Variants in LAMA2 observed in about 807,000 individuals in gnomAD.
LAMA2 encodes the protein laminin subunit alpha-2.
Under a neutral mutation model 364.8 loss-of-function variants are expected in LAMA2, and 269 were observed. That is an observed-to-expected ratio of 0.74 (90% CI 0.67 to 0.82). The LOEUF is 0.82. Among genes scored for constraint, LAMA2 ranks in the 40% least tolerant of loss-of-function variants. The pLI, the probability that LAMA2 is intolerant of heterozygous loss-of-function variation, is 0.00. For synonymous variants in LAMA2, 1,379 were observed against 1,370.6 expected, an observed-to-expected ratio of 1.01 and a Z score of -0.14; for missense variants, 3,807 against 3,873.2, an observed-to-expected ratio of 0.98 and a Z score of 0.45.
rs55860505 is a variant in LAMA2 at position 129,320,132 on chromosome 6, C to CAAATAAATAAAT, written c.4059-390_4059-379dup. 8.8e-5 allele frequency among the ~76,000 whole-genome samples: 13 copies of CAAATAAATAAAT among 147,264 alleles called. 1 individual carries two copies. In the East Asian group the frequency reaches 1.6e-3, roughly 18 times the overall value. ...TGGGTGACAGAGTGAGACTCTGTCT[C>CAAATAAATAAAT]AAATAAATAAATAAATAAATAAATA... On this transcript the variant is annotated intron_variant, in intron 27 of 64. Coordinates refer to ENST00000421865, the MANE Select transcript of LAMA2 (RefSeq NM_000426.4).
intron 12 of LAMA2, among the ~76,000 whole-genome samples, chr6:129,225,240 C>T (rs1222908512): frequency 2.0e-5 from 3 of 151,980 alleles, no homozygotes. Flanking sequence ...CTTTATTAGT[C>T]TTGCTAGCAG....
At chr6:129,243,472 G>A (rs546035704) in intron 12 of LAMA2, among the ~76,000 whole-genome samples, 1 of 152,152 alleles carries the variant, frequency 6.6e-6, no homozygotes, top group African/African-American at 2.4e-5. Context: ...AGAATGTGGA[G>A]TTATATGAAA....
chr6:129,050,448 G>A (rs1184227257), intron 2 of LAMA2, among the ~76,000 whole-genome samples: 1 of 152,152 alleles, frequency 6.6e-6, no homozygotes, highest in Non-Finnish European at 1.5e-5. Flanking sequence ...GAGGAATAAG[G>A]TAGGATATCG....
chr6:129,039,214 G>A (rs906984817), intron 1 of LAMA2, among the ~76,000 whole-genome samples: 2 of 152,010 alleles, frequency 1.3e-5, no homozygotes, highest in African/African-American at 4.8e-5. Flanking sequence ...AATTCTGTGT[G>A]GCAAAGTCAG....
intron 20 of LAMA2, 96 bp from the exon 21 acceptor site, chr6:129,297,589 T>C: frequency 1.7e-6 from 2 of 1,147,448 alleles, no homozygotes; most frequent in Non-Finnish European, 2.6e-6. Context: ...AACTCCTAAG[T>C]TCCTCTGTTC....
intron 61 of LAMA2, 33 bp from the exon 62 acceptor site, chr6:129,507,456 C>T: frequency 6.2e-7 from 1 of 1,612,854 alleles, no homozygotes; most frequent in South Asian, 1.1e-5. Flanking sequence ...CTGCTAAAAC[C>T]TGACATTTGT....
intron 58 of LAMA2, among the ~76,000 whole-genome samples, chr6:129,493,621 AC>A (rs1785000220): frequency 6.6e-6 from 1 of 152,250 alleles, no homozygotes; most frequent in Non-Finnish European, 1.5e-5. Context: ...TGGCATAAGT[AC>A]TATGTAGTAA....
intron 1 of LAMA2, among the ~76,000 whole-genome samples, chr6:128,995,859 A>G (rs190174578): frequency 6.9e-4 from 105 of 152,366 alleles, no homozygotes; most frequent in Admixed American, 3.0e-3. Context: ...TTTTTGGTAT[A>G]GATCACTAAA....
intron 12 of LAMA2, among the ~76,000 whole-genome samples, chr6:129,230,355 T>C (rs898670336): frequency 6.6e-6 from 1 of 152,032 alleles, no homozygotes; most frequent in Non-Finnish European, 1.5e-5. Context: ...TTCAGTGGAA[T>C]GAAGGGCAAC....
At chr6:129,081,395 T>TA (rs1275791691) in intron 3 of LAMA2, among the ~76,000 whole-genome samples, 1 of 152,020 alleles carries the variant, frequency 6.6e-6, no homozygotes, top group African/African-American at 2.4e-5. Flanking sequence ...AGCATAATAA[T>TA]AAAAAAAGAA....
chr6:128,960,453 C>G (rs1226630167), intron 1 of LAMA2, among the ~76,000 whole-genome samples: 2 of 150,300 alleles, frequency 1.3e-5, no homozygotes, highest in African/African-American at 5.0e-5. Flanking sequence ...ATTCTCCGGC[C>G]TTGGCCCCAC....
At chr6:129,349,207 A>G (rs1330340381) in intron 30 of LAMA2, 91 bp from the exon 31 acceptor site, 4 of 948,760 alleles carry the variant, frequency 4.2e-6, no homozygotes, top group South Asian at 1.3e-5. Flanking sequence ...ACCTAAAAGT[A>G]TGTCCCAATA....
At chr6:129,359,899 T>C (rs1777367299) in intron 32 of LAMA2, among the ~76,000 whole-genome samples, 1 of 152,142 alleles carries the variant, frequency 6.6e-6, no homozygotes, top group African/African-American at 2.4e-5. Flanking sequence ...TGCTAATTGC[T>C]AACAGAAAGA....
intron 56 of LAMA2, chr6:129,490,933 T>C (rs182605123): frequency 6.6e-6 from 1 of 152,336 alleles, no homozygotes; most frequent in Admixed American, 6.5e-5. Flanking sequence ...ATCTTACTTG[T>C]AAAGTGCCAA....
chr6:128,924,885 A>C (rs1431940984), intron 1 of LAMA2, among the ~76,000 whole-genome samples: 1 of 152,244 alleles, frequency 6.6e-6, no homozygotes, highest in Non-Finnish European at 1.5e-5. Flanking sequence ...TACATGCTTA[A>C]GTTTCACACC....
At chr6:129,145,620 G>A (rs1234838757) in intron 5 of LAMA2, among the ~76,000 whole-genome samples, 1 of 151,876 alleles carries the variant, frequency 6.6e-6, no homozygotes, top group Admixed American at 6.6e-5. Flanking sequence ...ATCATCTCTT[G>A]CAGGAGGTAG....
chr6:129,429,852 GT>G (rs1383394105), intron 41 of LAMA2, among the ~76,000 whole-genome samples: 1 of 152,020 alleles, frequency 6.6e-6, no homozygotes, highest in East Asian at 1.9e-4. Flanking sequence ...ACAAACACTG[GT>G]ATTATAAAAA....
At chr6:129,212,337 G>A (rs1398840797) in intron 12 of LAMA2, among the ~76,000 whole-genome samples, 1 of 152,196 alleles carries the variant, frequency 6.6e-6, no homozygotes, top group Non-Finnish European at 1.5e-5. Flanking sequence ...AATGTGTTTT[G>A]TGTGAGATGG....
intron 32 of LAMA2, among the ~76,000 whole-genome samples, chr6:129,361,894 C>T (rs2114610803): frequency 6.7e-6 from 1 of 149,316 alleles, no homozygotes; most frequent in East Asian, 2.0e-4. Flanking sequence ...AAGTGATACT[C>T]CTCCCTCAGC....
Sources: gnomAD v4.1 joint callset for allele counts (sites outside exome capture counted in the v4.1 genomes callset) on GRCh38, gnomAD v4.1.1 for gene constraint, MANE v1.5 for transcripts, NCBI Gene and HGNC (gene_info 2026-07-23, HGNC 2026-07-21) for gene names.